The following CDH13 variants were observed in gnomAD, a reference collection of about 807,000 sequenced individuals.
CDH13 encodes cadherin 13, also known as cadherin-13.
A neutral mutation model predicts 63.8 loss-of-function variants in CDH13; 24 were observed. That is an observed-to-expected ratio of 0.38 (90% CI 0.27 to 0.53). The LOEUF is 0.53. CDH13 is among the 20% of genes least tolerant of loss of function. The pLI, the probability that CDH13 is intolerant of heterozygous loss-of-function variation, is 0.85. For missense variants in CDH13, 1,049 were observed against 903.1 expected, an observed-to-expected ratio of 1.16 and a Z score of -2.07; for synonymous variants, 503 against 355.3, an observed-to-expected ratio of 1.42 and a Z score of -4.67.
chr16:83,425,917 C>G (rs909726419), intron 6 of CDH13, among the ~76,000 whole-genome samples: 1 of 151,962 alleles, frequency 6.6e-6, no homozygotes, highest in Admixed American at 6.6e-5. Flanking sequence ...ATTGAACCAC[C>G]CCAATTAAGC....
At chr16:82,986,390 A>G (rs979262278) in intron 2 of CDH13, among the ~76,000 whole-genome samples, 1 of 152,232 alleles carries the variant, frequency 6.6e-6, no homozygotes, top group Non-Finnish European at 1.5e-5. Context: ...CACACTGTGT[A>G]TATAAAAGTC....
chr16:83,728,224 G>T (rs1910643111), intron 10 of CDH13, among the ~76,000 whole-genome samples: 1 of 152,200 alleles, frequency 6.6e-6, no homozygotes, highest in South Asian at 2.1e-4. Context: ...GTGCACACTG[G>T]GCCCTGGAGA....
At chr16:83,096,233 C>G (rs1453027575) in intron 3 of CDH13, among the ~76,000 whole-genome samples, 2 of 152,176 alleles carry the variant, frequency 1.3e-5, no homozygotes, top group Non-Finnish European at 2.9e-5. Flanking sequence ...ATCATCAGGT[C>G]TCAGGAGTTC....
At chr16:83,098,034 A>G in intron 3 of CDH13, among the ~76,000 whole-genome samples, 1 of 152,188 alleles carries the variant, frequency 6.6e-6, no homozygotes, top group Non-Finnish European at 1.5e-5. Flanking sequence ...GGCAGGAAAG[A>G]AGGCAAGTTA....
At chr16:82,954,166 C>T (rs34897530) in intron 2 of CDH13, 34,028 of 151,966 alleles carry the variant, frequency 0.22, 4,009 homozygotes, top group Admixed American at 0.28. Context: ...CCCCTTGGCA[C>T]GTCTGGGGAC....
chr16:83,381,851 C>T (rs74034044), intron 6 of CDH13, among the ~76,000 whole-genome samples: 4,147 of 152,228 alleles, frequency 0.027, 174 homozygotes, highest in African/African-American at 0.092. Flanking sequence ...TAACAAGTTG[C>T]TCCTTATACT....
At chr16:83,101,648 G>C (rs2034483937) in intron 3 of CDH13, among the ~76,000 whole-genome samples, 1 of 152,096 alleles carries the variant, frequency 6.6e-6, no homozygotes, top group South Asian at 2.1e-4. Context: ...ACAAAAATTA[G>C]CTGGGTGTCG....
chr16:83,160,951 C>T (rs920250589), intron 4 of CDH13, among the ~76,000 whole-genome samples: 11 of 152,138 alleles, frequency 7.2e-5, no homozygotes, highest in African/African-American at 2.7e-4. Flanking sequence ...GGAAGCTTTC[C>T]TGTTAGGGCA....
chr16:83,007,659 G>T (rs1447592068), intron 2 of CDH13, among the ~76,000 whole-genome samples: 1 of 151,966 alleles, frequency 6.6e-6, no homozygotes, highest in African/African-American at 2.4e-5. Context: ...GCAAAACCCT[G>T]TATCTACTAA....
At chr16:82,756,740 T>C (rs1475592643) in intron 1 of CDH13, among the ~76,000 whole-genome samples, 2 of 152,184 alleles carry the variant, frequency 1.3e-5, no homozygotes, top group Non-Finnish European at 2.9e-5. Flanking sequence ...CCAAGCTGAA[T>C]ATAAGCAGTA....
chr16:83,319,061 A>G (rs1308523112), intron 5 of CDH13, among the ~76,000 whole-genome samples: 2 of 151,788 alleles, frequency 1.3e-5, no homozygotes, highest in Non-Finnish European at 2.9e-5. Flanking sequence ...AGTAAAATAG[A>G]TGCACCTGCA....
chr16:83,777,055 C>G (rs1212371329), intron 11 of CDH13, among the ~76,000 whole-genome samples: 1 of 152,222 alleles, frequency 6.6e-6, no homozygotes, highest in African/African-American at 2.4e-5. Flanking sequence ...CGGGCAGCCT[C>G]ATCTGAGTGC....
chr16:83,649,486 GGTT>G lies in CDH13; in HGVS notation c.1102-21300_1102-21298del, dbSNP rs1912158601. Among the ~76,000 whole-genome samples, 3 of 152,222 alleles carry G rather than the reference GGTT, an allele frequency of 2.0e-5. No homozygotes were observed. The South Asian group carries it at 6.2e-4, about 32-fold the overall frequency. On this transcript the variant is annotated intron_variant, in intron 8 of 13. Transcript: ENST00000567109. ...GCTTTTTCTTTGTTACGCATGTTGT[GGTT>G]GTTTTCTAATTGGAGAGTCATGAAC...
At chr16:82,894,696 GA>G (rs58708808) in intron 2 of CDH13, among the ~76,000 whole-genome samples, 116,533 of 152,082 alleles carry the variant, frequency 0.77, 44,877 homozygotes, top group East Asian at 0.87. Context: ...AAACATCCCA[GA>G]AAAAAATAAA....
intron 1 of CDH13, among the ~76,000 whole-genome samples, chr16:82,630,125 T>C (rs558134580): frequency 2.6e-5 from 4 of 152,350 alleles, no homozygotes; most frequent in South Asian, 2.1e-4. Context: ...CAGTGTCTTA[T>C]AGTGCTCCTG....
At chr16:82,682,016 GT>G (rs1914602819) in intron 1 of CDH13, among the ~76,000 whole-genome samples, 1 of 152,170 alleles carries the variant, frequency 6.6e-6, no homozygotes, top group Admixed American at 6.5e-5. Flanking sequence ...TCCAAATCAG[GT>G]GGGGCTCTCA....
At chr16:83,502,173 A>G (rs1026405000) in intron 7 of CDH13, among the ~76,000 whole-genome samples, 1 of 152,190 alleles carries the variant, frequency 6.6e-6, no homozygotes, top group East Asian at 1.9e-4. Flanking sequence ...TACAGGGCAA[A>G]TGGGACTTTG....
rs532140520 is a variant in CDH13, at chr16:82,657,371, A to G, written c.45+30234A>G. ...CTTTTAATCTGTCAGTCTGATAACCAAGATGGTTACTGAGTGACTAATGGA... is the reference window on the plus strand; with the variant it reads ...CTTTTAATCTGTCAGTCTGATAACCGAGATGGTTACTGAGTGACTAATGGA... On this transcript the variant is annotated intron_variant, in intron 1 of 13. Coordinates refer to ENST00000567109, the MANE Select transcript of CDH13 (RefSeq NM_001257.5). 5.9e-5 allele frequency among the ~76,000 whole-genome samples: 9 copies of G among 152,322 alleles called. No individual in the cohort carries two copies. In the East Asian group the frequency reaches 1.7e-3, roughly 29 times the overall value.
At chr16:83,234,870 C>T (rs2040100274) in intron 5 of CDH13, among the ~76,000 whole-genome samples, 2 of 152,148 alleles carry the variant, frequency 1.3e-5, no homozygotes, top group Admixed American at 6.5e-5. Flanking sequence ...TCCTCCCCTC[C>T]AGAGCCCAAG....
Sources: gnomAD v4.1 joint callset for allele counts (sites outside exome capture counted in the v4.1 genomes callset) on GRCh38, gnomAD v4.1.1 for gene constraint, MANE v1.5 for transcripts, NCBI Gene and HGNC (gene_info 2026-07-23, HGNC 2026-07-21) for gene names.